The following CFAP91 variants were observed in gnomAD, a reference collection of about 807,000 sequenced individuals.
CFAP91 encodes cilia- and flagella-associated protein 91.
Under a neutral mutation model 95.9 loss-of-function variants are expected in CFAP91, and 85 were observed. The ratio of observed to expected loss-of-function variants is 0.89; its 90% CI spans 0.74 to 1.06. The LOEUF (loss-of-function observed/expected upper bound fraction) is 1.06. Among genes scored for constraint, CFAP91 ranks in the 50% least tolerant of loss-of-function variants. The pLI, the probability that CFAP91 is intolerant of heterozygous loss-of-function variation, is 0.00. For missense variants in CFAP91, 962 were observed against 943.4 expected (o/e 1.02, Z -0.26); for synonymous variants, 335 against 327.5 (o/e 1.02, Z -0.25).
intron 17 of CFAP91, among the ~76,000 whole-genome samples, chr3:119,760,911 C>T (rs2054526201): frequency 6.8e-6 from 1 of 147,514 alleles, no homozygotes; most frequent in Admixed American, 6.8e-5. Context: ...TATGTGCTTG[C>T]ATCGAAAAAG....
At position 119,714,235 on chromosome 3, in the gene CFAP91, G is replaced by A. The variant is rs1043853183; in HGVS notation, c.501-1327G>A. 3.9e-4 allele frequency among the ~76,000 whole-genome samples: 59 copies of A among 151,878 alleles called. 1 individual carries two copies. The highest frequency in any genetic ancestry group is 1.4e-3 in the African/African-American group (57 of 41,362). ...AAAAAAATTAGCCGGGCGTGGTGGC[G>A]GGCACCTGTAGTCCCAGCTACTCGG... is the stretch of plus-strand genomic sequence containing the variant. On this transcript the variant is annotated intron_variant, in intron 5 of 17. Transcript: ENST00000273390.
At chr3:119,763,804 G>C (rs978762153) in intron 17 of CFAP91, among the ~76,000 whole-genome samples, 1 of 152,080 alleles carries the variant, frequency 6.6e-6, no homozygotes, top group Admixed American at 6.5e-5. Context: ...TGAATTCATA[G>C]AAGTAAAGAG....
chr3:119,725,851 T>C (rs1057231177), intron 6 of CFAP91, among the ~76,000 whole-genome samples: 1 of 152,210 alleles, frequency 6.6e-6, no homozygotes, highest in Non-Finnish European at 1.5e-5. Flanking sequence ...GAAAATGCCT[T>C]GTATTTCAGT....
chr3:119,713,917 C>T (rs2053522677), intron 5 of CFAP91, among the ~76,000 whole-genome samples: 1 of 152,038 alleles, frequency 6.6e-6, no homozygotes, highest in African/African-American at 2.4e-5. Flanking sequence ...TCCATTATGG[C>T]TGTTTCATAT....
Position 119,737,366 on chromosome 3 carries a change from G to A in CFAP91, c.1345G>A (p.Ala449Thr). 3 of 1,544,004 alleles carry A rather than the reference G, an allele frequency of 1.9e-6. No homozygotes were observed. Among genetic ancestry groups the A allele is most frequent in the South Asian group, 1.2e-5 (1 of 82,858 alleles). ...LDYELAEVHK[A>T]LLDKKNKVLE... ...ATTATATTAATTGGCATTATTTCAGGCACTGTTGGATAAGAAGAATAAAGT... is the reference window on the plus strand; with the variant it reads ...ATTATATTAATTGGCATTATTTCAGACACTGTTGGATAAGAAGAATAAAGT... The change falls in exon 11 of 18, where the codon GCA becomes ACA. Residue 449 changes from alanine (A) to threonine (T), a missense_variant and splice_region_variant. Physicochemically the swap from Ala to Thr is moderately conservative, Grantham distance 58 (BLOSUM62 0). Transcript: ENST00000273390.
At chr3:119,708,543 A>G in intron 3 of CFAP91, 48 bp from the exon 4 acceptor site, 1 of 1,216,098 alleles carries the variant, frequency 8.2e-7, no homozygotes, top group Non-Finnish European at 1.2e-6. Flanking sequence ...TAGAAATTAT[A>G]TGTGGAAATA....
chr3:119,729,656 A>AG (rs1553708043), intron 7 of CFAP91, among the ~76,000 whole-genome samples: 1 of 152,020 alleles, frequency 6.6e-6, no homozygotes, highest in East Asian at 1.9e-4. Context: ...AAAAAAAAAA[A>AG]GAAAGAAAAA....
rs1194097467 is a variant in CFAP91 at position 119,767,050 on chromosome 3, C to G, written c.*2000C>G. The G allele has an allele frequency of 6.6e-6, 1 of 152,086 alleles. No homozygotes were observed. Among genetic ancestry groups the G allele is most frequent in the Non-Finnish European group, 1.5e-5 (1 of 68,008 alleles). The allele number at this position is 152,086 out of a possible 1,614,324, so 9.4% of individuals were successfully genotyped here. Reference sequence around the variant, plus strand: ...AATGCTCCAACTTTTCTAATTTTTGCTTTTGAAAATAAAACACCTATAGTG... The same window carrying G: ...AATGCTCCAACTTTTCTAATTTTTGGTTTTGAAAATAAAACACCTATAGTG... On this transcript the variant is annotated 3_prime_UTR_variant, in exon 18 of 18. Coordinates refer to ENST00000273390, the MANE Select transcript of CFAP91 (RefSeq NM_033364.4).
chr3:119,750,707 A>C, intron 16 of CFAP91: 1 of 530,192 alleles, frequency 1.9e-6, no homozygotes, highest in Non-Finnish European at 3.4e-6. Context: ...GAGTGCAGGC[A>C]TTCCAGATGA....
At chr3:119,714,423 A>C (rs572256127) in intron 5 of CFAP91, among the ~76,000 whole-genome samples, 1 of 151,944 alleles carries the variant, frequency 6.6e-6, no homozygotes, top group African/African-American at 2.4e-5. Flanking sequence ...TTAACTTGTC[A>C]ATTTGGTGTA....
At chr3:119,761,401 C>T (rs1055658294) in intron 17 of CFAP91, among the ~76,000 whole-genome samples, 2 of 151,628 alleles carry the variant, frequency 1.3e-5, no homozygotes, top group African/African-American at 4.8e-5. Flanking sequence ...CAGGCAGGAC[C>T]CAATGGCTTC....
At chr3:119,734,603 T>A (rs751843635) in intron 10 of CFAP91, among the ~76,000 whole-genome samples, 3 of 152,232 alleles carry the variant, frequency 2.0e-5, no homozygotes, top group Non-Finnish European at 4.4e-5. Context: ...TAATCTATCC[T>A]TGCATACCTG....
intron 5 of CFAP91, among the ~76,000 whole-genome samples, chr3:119,711,140 T>C (rs549215770): frequency 2.6e-5 from 4 of 152,328 alleles, no homozygotes; most frequent in African/African-American, 9.6e-5. Context: ...ACATGTGTTA[T>C]TAAATGTCTG....
At chr3:119,703,301 G>A in intron 1 of CFAP91, 79 bp downstream of exon 1, 1 of 1,571,694 alleles carries the variant, frequency 6.4e-7, no homozygotes, top group South Asian at 1.2e-5. Context: ...GACCTGGCCA[G>A]GGGCATGGCG....
chr3:119,717,555 T>C (rs1460327858), intron 6 of CFAP91, among the ~76,000 whole-genome samples: 1 of 151,758 alleles, frequency 6.6e-6, no homozygotes, highest in Non-Finnish European at 1.5e-5. Context: ...CGTTGGTTTT[T>C]TTTTTTTTTT....
chr3:119,749,621 G>A (rs1384380787), intron 16 of CFAP91, among the ~76,000 whole-genome samples: 2 of 152,134 alleles, frequency 1.3e-5, no homozygotes, highest in African/African-American at 4.8e-5. Flanking sequence ...GAATCCAGTG[G>A]AACTTATCTA....
chr3:119,734,042 T>C (rs1460032925), intron 10 of CFAP91, among the ~76,000 whole-genome samples: 1 of 152,184 alleles, frequency 6.6e-6, no homozygotes, highest in Non-Finnish European at 1.5e-5. Context: ...GTGGTTCTCA[T>C]TCTTTCCTGT....
chr3:119,754,255 A>G (rs2054381279), intron 17 of CFAP91, among the ~76,000 whole-genome samples: 1 of 152,246 alleles, frequency 6.6e-6, no homozygotes, highest in Non-Finnish European at 1.5e-5. Flanking sequence ...TTATGGAAGG[A>G]AGAACTTGCA....
intron 17 of CFAP91, among the ~76,000 whole-genome samples, chr3:119,762,254 T>A (rs1031739168): frequency 1.6e-5 from 2 of 124,660 alleles, no homozygotes; most frequent in African/African-American, 4.5e-5. Flanking sequence ...AGGAAAAAAA[T>A]AAAATACTTA....
Sources: gnomAD v4.1 joint callset for allele counts (sites outside exome capture counted in the v4.1 genomes callset) on GRCh38, gnomAD v4.1.1 for gene constraint, MANE v1.5 for transcripts, NCBI Gene and HGNC (gene_info 2026-07-23, HGNC 2026-07-21) for gene names.